NDUFAF2: variants seen among roughly 807,000 people sequenced by gnomAD.
The protein encoded by NDUFAF2 is NADH:ubiquinone oxidoreductase complex assembly factor 2.
In NDUFAF2, 13 loss-of-function variants were observed where a neutral mutation model predicts 22.8. That is an observed-to-expected ratio of 0.57 (90% CI 0.37 to 0.91). NDUFAF2 has a LOEUF of 0.91. Among genes scored for constraint, NDUFAF2 ranks in the 40% least tolerant of loss-of-function variants. The pLI, the probability that NDUFAF2 is intolerant of heterozygous loss-of-function variation, is 0.01. For missense variants in NDUFAF2, 162 were observed against 195.2 expected (o/e 0.83, Z 1.01); for synonymous variants, 53 against 64.2 (o/e 0.83, Z 0.84).
chr5:61,073,021 A>T, intron 1 of NDUFAF2, 104 bp from the exon 2 acceptor site: 1 of 744,390 alleles, frequency 1.3e-6, no homozygotes, highest in Non-Finnish European at 2.3e-6. Context: ...CTGTTAATTT[A>T]ATTCTTTTAC....
chr5:61,129,336 T>C (rs1277429351), intron 3 of NDUFAF2, among the ~76,000 whole-genome samples: 1 of 152,120 alleles, frequency 6.6e-6, no homozygotes, highest in African/African-American at 2.4e-5. Context: ...TAAAGACACA[T>C]GGACATGTAT....
chr5:61,036,474 A>AT (rs1421543610), intron 1 of NDUFAF2, among the ~76,000 whole-genome samples: 3 of 152,166 alleles, frequency 2.0e-5, no homozygotes, highest in Admixed American at 2.0e-4. Context: ...ACTAATAACT[A>AT]TTTTTTTAAA....
chr5:60,982,620 G>A (rs1164584410), intron 1 of NDUFAF2, among the ~76,000 whole-genome samples: 2 of 138,086 alleles, frequency 1.4e-5, no homozygotes, highest in African/African-American at 2.8e-5. Context: ...TCATTGTTCA[G>A]TTCCCACCTA....
chr5:61,077,406 A>G (rs1752383011), intron 2 of NDUFAF2, among the ~76,000 whole-genome samples: 1 of 152,220 alleles, frequency 6.6e-6, no homozygotes, highest in Non-Finnish European at 1.5e-5. Flanking sequence ...AGGTCTGAAA[A>G]TTAACTCTGC....
chr5:60,982,734 A>C (rs1436869816), intron 1 of NDUFAF2, among the ~76,000 whole-genome samples: 2 of 151,870 alleles, frequency 1.3e-5, no homozygotes, highest in African/African-American at 4.8e-5. Context: ...TGAACTCATC[A>C]ATTTTTATGG....
intron 3 of NDUFAF2, among the ~76,000 whole-genome samples, chr5:61,137,970 C>A (rs1166330497): frequency 6.6e-6 from 1 of 152,196 alleles, no homozygotes; most frequent in East Asian, 1.9e-4. Flanking sequence ...TGCCTGCCTG[C>A]CTTATTCAGT....
chr5:61,075,522 A>AT (rs1480090612), intron 2 of NDUFAF2, among the ~76,000 whole-genome samples: 1 of 152,110 alleles, frequency 6.6e-6, no homozygotes, highest in Non-Finnish European at 1.5e-5. Flanking sequence ...TGTTTTTATC[A>AT]TTTTTTCCAA....
chr5:61,091,471 T>G (rs533184386), intron 2 of NDUFAF2, among the ~76,000 whole-genome samples: 1 of 152,348 alleles, frequency 6.6e-6, no homozygotes, highest in East Asian at 1.9e-4. Flanking sequence ...TGTCTTCTTT[T>G]GAGAAGCGTC....
intron 3 of NDUFAF2, among the ~76,000 whole-genome samples, chr5:61,123,644 A>T (rs991181358): frequency 2.0e-5 from 3 of 152,198 alleles, no homozygotes; most frequent in Non-Finnish European, 4.4e-5. Context: ...AAAGACTTGT[A>T]AATTTACATG....
chr5:61,087,146 G>A (rs10939881), intron 2 of NDUFAF2, among the ~76,000 whole-genome samples: 63,915 of 151,866 alleles, frequency 0.42, 14,321 homozygotes, highest in East Asian at 0.81. Flanking sequence ...ATTAGTGCCC[G>A]TAGGAGAAGA....
chr5:61,101,110 C>T (rs1752700251), intron 3 of NDUFAF2, among the ~76,000 whole-genome samples: 1 of 152,032 alleles, frequency 6.6e-6, no homozygotes, highest in Non-Finnish European at 1.5e-5. Flanking sequence ...ATTCTAGATA[C>T]ATCATATTAA....
chr5:61,146,671 G>A (rs1741143053), intron 3 of NDUFAF2, among the ~76,000 whole-genome samples: 1 of 151,994 alleles, frequency 6.6e-6, no homozygotes, highest in African/African-American at 2.4e-5. Flanking sequence ...GATGTGCCTT[G>A]GTTTTATGAT....
intron 3 of NDUFAF2, among the ~76,000 whole-genome samples, chr5:61,107,088 CACAT>C (rs972460759): frequency 1.2e-4 from 18 of 146,686 alleles, no homozygotes; most frequent in Admixed American, 5.4e-4. Flanking sequence ...CACACACACA[CACAT>C]ATATGCCTAG....
At chr5:61,019,384 C>T (rs956124463) in intron 1 of NDUFAF2, among the ~76,000 whole-genome samples, 1 of 152,006 alleles carries the variant, frequency 6.6e-6, no homozygotes, top group African/African-American at 2.4e-5. Context: ...TGTTTTCCCT[C>T]TTCTCTCCTT....
intron 1 of NDUFAF2, among the ~76,000 whole-genome samples, chr5:61,049,884 T>TAC (rs1391006523): frequency 2.9e-5 from 2 of 69,400 alleles, no homozygotes; most frequent in East Asian, 5.6e-4. Context: ...CAATTTAAAT[T>TAC]ATACACACAC....
At chr5:60,984,580 C>CT (rs1188038980) in intron 1 of NDUFAF2, among the ~76,000 whole-genome samples, 1 of 152,098 alleles carries the variant, frequency 6.6e-6, no homozygotes, top group Non-Finnish European at 1.5e-5. Flanking sequence ...CCATCAATAC[C>CT]TAATTTATTG....
intron 3 of NDUFAF2, among the ~76,000 whole-genome samples, chr5:61,126,318 C>G (rs1414736364): frequency 6.6e-6 from 1 of 151,866 alleles, no homozygotes; most frequent in East Asian, 1.9e-4. Context: ...TCTAGCTTTT[C>G]TATAATTATC....
chr5:61,048,395 T>A (rs1751982022), intron 1 of NDUFAF2, among the ~76,000 whole-genome samples: 2 of 152,188 alleles, frequency 1.3e-5, no homozygotes. Flanking sequence ...GAGATTGAGT[T>A]TAAAATGAGG....
At chr5:61,138,281 G>A (rs1376197661) in intron 3 of NDUFAF2, among the ~76,000 whole-genome samples, 1 of 152,194 alleles carries the variant, frequency 6.6e-6, no homozygotes, top group Admixed American at 6.5e-5. Context: ...GTCCAAGCAA[G>A]AAATGCTATT....
Sources: gnomAD v4.1 joint callset for allele counts (sites outside exome capture counted in the v4.1 genomes callset) on GRCh38, gnomAD v4.1.1 for gene constraint, MANE v1.5 for transcripts, NCBI Gene and HGNC (gene_info 2026-07-23, HGNC 2026-07-21) for gene names.